MAP4: variants seen among roughly 807,000 people sequenced by gnomAD.
MAP4 encodes microtubule associated protein 4, also known as microtubule-associated protein 4.
MAP4 carries 76 observed loss-of-function variants against 170.2 expected under a neutral mutation model. The ratio of observed to expected loss-of-function variants is 0.45; its 90% CI spans 0.37 to 0.54. MAP4 has a LOEUF of 0.54. Ranked by LOEUF, MAP4 falls within the 20% of genes least tolerant of loss-of-function variation. MAP4 has a pLI of 0.00. For synonymous variants in MAP4, 909 were observed against 994.5 expected (o/e 0.91, Z 1.62); for missense variants, 2,506 against 2,748.0 (o/e 0.91, Z 1.97).
intron 1 of MAP4, among the ~76,000 whole-genome samples, chr3:48,031,732 A>C (rs1014520693): frequency 1.3e-5 from 2 of 152,172 alleles, no homozygotes; most frequent in African/African-American, 4.8e-5. Context: ...CTCAAAAAAA[A>C]ATTAGCTGGG....
At chr3:47,987,334 A>T (rs1349047887) in intron 2 of MAP4, 3 of 1,351,374 alleles carry the variant, frequency 2.2e-6, no homozygotes, top group Non-Finnish European at 3.0e-6. Flanking sequence ...TTATGATCTT[A>T]CAAGTACCAC....
intron 7 of MAP4, 99 bp downstream of exon 7, chr3:47,915,852 G>T: frequency 7.4e-7 from 1 of 1,347,980 alleles, no homozygotes; most frequent in South Asian, 1.4e-5. Flanking sequence ...AAAGTACAGT[G>T]TGACTGTCTG....
intron 17 of MAP4, among the ~76,000 whole-genome samples, chr3:47,863,937 T>TGTGTGGGGGGCG (rs374208589): frequency 1.4e-5 from 2 of 138,356 alleles, no homozygotes; most frequent in South Asian, 2.4e-4. Context: ...TGTGTGTGTG[T>TGTGTGGGGGGCG]GGGGAGTGGT....
chr3:48,040,549 G>A (rs2100121125), intron 1 of MAP4, among the ~76,000 whole-genome samples: 3 of 151,522 alleles, frequency 2.0e-5, no homozygotes, highest in Non-Finnish European at 2.9e-5. Context: ...GATTACAGGC[G>A]TGAGCCACCG....
intron 1 of MAP4, among the ~76,000 whole-genome samples, chr3:48,083,993 G>C (rs927397201): frequency 6.6e-6 from 1 of 151,988 alleles, no homozygotes; most frequent in Non-Finnish European, 1.5e-5. Context: ...CCAAAGTGCT[G>C]GGATTACAGG....
At chr3:47,991,905 AG>A (rs920277425) in intron 2 of MAP4, among the ~76,000 whole-genome samples, 3 of 151,926 alleles carry the variant, frequency 2.0e-5, no homozygotes, top group Non-Finnish European at 4.4e-5. Context: ...TCCTGACCTC[AG>A]GTGATCCACC....
At chr3:48,037,416 C>T (rs1164666546) in intron 1 of MAP4, among the ~76,000 whole-genome samples, 2 of 152,230 alleles carry the variant, frequency 1.3e-5, no homozygotes, top group African/African-American at 4.8e-5. Flanking sequence ...ATTTATGAGA[C>T]AGGGTCTCAT....
intron 1 of MAP4, among the ~76,000 whole-genome samples, chr3:48,084,081 G>A (rs1042724859): frequency 6.6e-6 from 1 of 151,724 alleles, no homozygotes; most frequent in Admixed American, 6.6e-5. Context: ...CGCAGCGGGA[G>A]TGCCTGTAAT....
At chr3:48,070,347 T>C (rs1368469956) in intron 1 of MAP4, among the ~76,000 whole-genome samples, 5 of 151,646 alleles carry the variant, frequency 3.3e-5, no homozygotes, top group Non-Finnish European at 5.9e-5. Flanking sequence ...TTTTTATCCT[T>C]CTTCTTCTTC....
At chr3:47,930,898 C>T (rs373338608) in intron 3 of MAP4, among the ~76,000 whole-genome samples, 1 of 149,302 alleles carries the variant, frequency 6.7e-6, no homozygotes, top group South Asian at 2.1e-4. Flanking sequence ...CACTGCACTC[C>T]GGCCTGGGTG....
At chr3:48,076,738 G>A (rs2100144137) in intron 1 of MAP4, among the ~76,000 whole-genome samples, 2 of 152,050 alleles carry the variant, frequency 1.3e-5, no homozygotes, top group African/African-American at 4.8e-5. Flanking sequence ...AAACAAAAGA[G>A]AAATCTTTAT....
intron 2 of MAP4, among the ~76,000 whole-genome samples, chr3:47,990,447 C>T (rs150866596): frequency 4.0e-4 from 61 of 152,248 alleles, no homozygotes; most frequent in Admixed American, 1.2e-3. Flanking sequence ...CTTGTCTTTA[C>T]TAAAAATGCA....
chr3:47,916,797 G>T lies in MAP4; in HGVS notation c.1030C>A (p.Pro344Thr). 6.2e-7 allele frequency: 1 copy of T among 1,614,140 alleles called. No individual in the cohort carries two copies. Among genetic ancestry groups the T allele is most frequent in the South Asian group, 1.1e-5 (1 of 91,076 alleles). ...TTCAACAGTGTCACATCCTTGGCTG[G>T]GGCTACCTCTGTTTCTGTGGGCAGT... ...VVLPTETEVA[P>T]AKDVTLLKET... The change falls in exon 7 of 21, where the codon CCA becomes ACA. Residue 344 changes from proline to threonine, a missense_variant. Transcript: ENST00000683076.
chr3:48,041,476 T>C (rs1186906411), intron 1 of MAP4, among the ~76,000 whole-genome samples: 1 of 152,086 alleles, frequency 6.6e-6, no homozygotes, highest in Admixed American at 6.6e-5. Context: ...TTAAGGAAGA[T>C]TTAAATAAAT....
chr3:48,048,031 G>C (rs574371542), intron 1 of MAP4, among the ~76,000 whole-genome samples: 7 of 152,288 alleles, frequency 4.6e-5, no homozygotes, highest in African/African-American at 1.2e-4. Context: ...CTTGAGTCCA[G>C]GAGTTCAAGG....
intron 3 of MAP4, among the ~76,000 whole-genome samples, chr3:47,949,269 C>T (rs2100062101): frequency 6.6e-6 from 1 of 151,914 alleles, no homozygotes; most frequent in Non-Finnish European, 1.5e-5. Flanking sequence ...AGTTCAACAC[C>T]AGCCTGGCCA....
intron 1 of MAP4, among the ~76,000 whole-genome samples, chr3:48,041,622 A>G (rs1240305026): frequency 6.6e-6 from 1 of 152,118 alleles, no homozygotes; most frequent in Non-Finnish European, 1.5e-5. Context: ...ACTGGGCATT[A>G]TTACTTGAGC....
chr3:47,874,141 C>T (rs894730998), intron 12 of MAP4, among the ~76,000 whole-genome samples: 1 of 152,176 alleles, frequency 6.6e-6, no homozygotes, highest in African/African-American at 2.4e-5. Flanking sequence ...ATCGCTGGGC[C>T]TCTCTGAGCT....
At chr3:47,885,721 G>A (rs1184625148) in intron 10 of MAP4, among the ~76,000 whole-genome samples, 3 of 150,918 alleles carry the variant, frequency 2.0e-5, no homozygotes, top group African/African-American at 4.9e-5. Flanking sequence ...ATTTGTTAAC[G>A]CCTTTGTTCT....
Sources: allele counts gnomAD v4.1 joint callset (sites outside exome capture counted in the v4.1 genomes callset), GRCh38; gene constraint gnomAD v4.1.1; transcripts MANE v1.5; gene names NCBI Gene and HGNC (gene_info 2026-07-23, HGNC 2026-07-21).